NGF: variants seen among roughly 807,000 people sequenced by gnomAD.
NGF encodes the protein nerve growth factor.
Under a neutral mutation model 12.8 loss-of-function variants are expected in NGF, and 4 were observed. That is an observed-to-expected ratio of 0.31 (90% CI 0.15 to 0.72). The LOEUF (loss-of-function observed/expected upper bound fraction) is 0.72, where lower values mean the gene tolerates loss of function less well. Ranked by LOEUF, NGF falls within the 30% of genes least tolerant of loss-of-function variation. The pLI is 0.69. For missense variants in NGF, 283 were observed against 330.8 expected, an observed-to-expected ratio of 0.86 and a Z score of 1.12; for synonymous variants, 140 against 130.0, an observed-to-expected ratio of 1.08 and a Z score of -0.52.
At chr1:115,289,091 A>G (rs1653605364) in intron 2 of NGF, among the ~76,000 whole-genome samples, 1 of 152,226 alleles carries the variant, frequency 6.6e-6, no homozygotes, top group South Asian at 2.1e-4. Flanking sequence ...GCAATGGCAT[A>G]TCTGGGGTTT....
chr1:115,321,057 T>C (rs1654611224), intron 1 of NGF, among the ~76,000 whole-genome samples: 1 of 152,182 alleles, frequency 6.6e-6, no homozygotes, highest in South Asian at 2.1e-4. Context: ...AGACCTCAGA[T>C]GAATCATCCC....
Position 115,286,660 on chromosome 1 carries a change from T to C in NGF, c.136A>G (p.Thr46Ala), listed in dbSNP as rs1294782064. 1.2e-5 allele frequency: 19 copies of C among 1,614,194 alleles called. No homozygotes were observed. The highest frequency in any genetic ancestry group is 1.4e-5 in the Non-Finnish European group (17 of 1,180,038). The change falls in exon 3 of 3, where the codon ACT (threonine) becomes GCT (alanine). Residue 46 changes from threonine (T) to alanine (A), a missense_variant. Physicochemically the swap from Thr to Ala is moderately conservative, Grantham distance 58. Transcript: ENST00000369512. ...GCGCTGCGGGCTCTGCGAAGGGCAG[T>C]GTCAAGGGAATGCTGAAGTTTAGTC... Reference protein sequence around the residue: ...HWTKLQHSLDTALRRARSAPA... With the variant: ...HWTKLQHSLDAALRRARSAPA...
intron 1 of NGF, among the ~76,000 whole-genome samples, chr1:115,296,844 G>T (rs1653886241): frequency 6.6e-6 from 1 of 152,154 alleles, no homozygotes; most frequent in Non-Finnish European, 1.5e-5. Flanking sequence ...CTAATGCAAA[G>T]GCATTGGGAC....
chr1:115,286,928 G>T, intron 2 of NGF, 121 bp from the exon 3 acceptor site: 2 of 1,255,454 alleles, frequency 1.6e-6, no homozygotes, highest in Middle Eastern at 3.8e-4. Context: ...TTCAAACCGG[G>T]GCACTTCTGA....
intron 2 of NGF, among the ~76,000 whole-genome samples, chr1:115,291,730 T>C (rs1183656530): frequency 6.6e-6 from 1 of 152,188 alleles, no homozygotes; most frequent in Non-Finnish European, 1.5e-5. Flanking sequence ...ACGAGGTGAA[T>C]GATCTTCAAA....
intron 1 of NGF, among the ~76,000 whole-genome samples, chr1:115,301,666 C>T (rs557497720): frequency 7.9e-5 from 12 of 152,308 alleles, no homozygotes; most frequent in South Asian, 2.1e-4. Context: ...AATTGTAGAA[C>T]GCTCAGCCTG....
chr1:115,302,933 C>T lies in NGF; in HGVS notation c.-136-9183G>A, dbSNP rs1484522951. Among the ~76,000 whole-genome samples the T allele has an allele frequency of 2.0e-5, 3 of 152,186 alleles. No homozygotes were observed. In the East Asian group the frequency reaches 5.8e-4, roughly 29 times the overall value. On this transcript the variant is annotated intron_variant, in intron 1 of 2. Transcript: ENST00000369512. ...TTTGTCATCTCCCTGTATTGTGTCCCCTCATCTGTGTCCACCACTTTCAGC... is the reference window on the plus strand; with the variant it reads ...TTTGTCATCTCCCTGTATTGTGTCCTCTCATCTGTGTCCACCACTTTCAGC...
At chr1:115,311,523 A>G (rs1182412680) in intron 1 of NGF, among the ~76,000 whole-genome samples, 4 of 152,186 alleles carry the variant, frequency 2.6e-5, no homozygotes, top group Non-Finnish European at 5.9e-5. Flanking sequence ...GAGGGGTGCT[A>G]CTGGCATCCA....
chr1:115,290,598 G>A, intron 2 of NGF, among the ~76,000 whole-genome samples: 1 of 151,840 alleles, frequency 6.6e-6, no homozygotes, highest in East Asian at 1.9e-4. Context: ...GTTTCACCAT[G>A]TTGGCCAGGA....
intron 1 of NGF, among the ~76,000 whole-genome samples, chr1:115,302,508 G>A (rs1654068165): frequency 6.6e-6 from 1 of 152,050 alleles, no homozygotes; most frequent in African/African-American, 2.4e-5. Flanking sequence ...ATGAAAAGAT[G>A]AAAAAAAGAA....
chr1:115,286,599 T>C lies in NGF; in HGVS notation c.197A>G (p.Gln66Arg). 1 of 1,614,222 alleles carries C rather than the reference T, an allele frequency of 6.2e-7. No homozygotes were observed. The highest frequency in any genetic ancestry group is 1.1e-5 in the South Asian group (1 of 91,088). ...GGGGTCCACAGTAATGTTGCGGGTC[T>C]GCCCCGCCACGCGTGCAGCTATCGC... ...AAAIAARVAG[Q>R]TRNITVDPRL... Residue 66 changes from glutamine (Q) to arginine (R), a missense_variant, in exon 3 of 3, where the codon CAG becomes CGG. By Grantham distance (43) the Gln-to-Arg change is conservative. Transcript: ENST00000369512.
At chr1:115,337,256 G>GTTTT (rs1364127314) in intron 1 of NGF, among the ~76,000 whole-genome samples, 2 of 27,202 alleles carry the variant, frequency 7.4e-5, no homozygotes, top group African/African-American at 3.3e-4. Flanking sequence ...AATTTTTTTT[G>GTTTT]TTTTGTTTTT....
chr1:115,334,544 T>C (rs1655058927), intron 1 of NGF, among the ~76,000 whole-genome samples: 1 of 152,168 alleles, frequency 6.6e-6, no homozygotes, highest in South Asian at 2.1e-4. Flanking sequence ...GATGGTGGCC[T>C]AGAGTCTGAT....
intron 1 of NGF, among the ~76,000 whole-genome samples, chr1:115,305,566 A>G (rs1654179934): frequency 6.6e-6 from 1 of 152,208 alleles, no homozygotes; most frequent in African/African-American, 2.4e-5. Context: ...TTGCTTTTAA[A>G]AAATCAGCAC....
intron 1 of NGF, among the ~76,000 whole-genome samples, chr1:115,300,334 G>T (rs1653998662): frequency 6.6e-6 from 1 of 152,186 alleles, no homozygotes; most frequent in Admixed American, 6.5e-5. Flanking sequence ...CTTCAATTAA[G>T]GAGGGATAAG....
In NGF at chr1:115,286,660, T is replaced by A. The variant is rs1294782064; in HGVS notation, c.136A>T (p.Thr46Ser). 1 of 1,614,194 alleles carries A rather than the reference T, an allele frequency of 6.2e-7. No individual in the cohort carries two copies. The highest frequency in any genetic ancestry group is 1.1e-5 in the South Asian group (1 of 91,086). The change falls in exon 3 of 3, where the codon ACT becomes TCT. Residue 46 changes from threonine to serine, a missense_variant. Coordinates refer to ENST00000369512, the MANE Select transcript of NGF (RefSeq NM_002506.3). Reference protein sequence around the residue: ...HWTKLQHSLDTALRRARSAPA... With the variant: ...HWTKLQHSLDSALRRARSAPA... ...GCGCTGCGGGCTCTGCGAAGGGCAGTGTCAAGGGAATGCTGAAGTTTAGTC... is the reference window on the plus strand; with the variant it reads ...GCGCTGCGGGCTCTGCGAAGGGCAGAGTCAAGGGAATGCTGAAGTTTAGTC...
intron 1 of NGF, among the ~76,000 whole-genome samples, chr1:115,305,277 C>T (rs1205605968): frequency 1.3e-5 from 2 of 152,032 alleles, no homozygotes; most frequent in East Asian, 3.9e-4. Context: ...GGTTAGTATC[C>T]TCTTCATTTG....
At chr1:115,289,005 C>A (rs898114218) in intron 2 of NGF, among the ~76,000 whole-genome samples, 2 of 152,220 alleles carry the variant, frequency 1.3e-5, no homozygotes, top group African/African-American at 4.8e-5. Flanking sequence ...AAGGAAATCA[C>A]CAAATTCTTT....
chr1:115,310,334 A>G (rs1654306617), intron 1 of NGF, among the ~76,000 whole-genome samples: 1 of 152,350 alleles, frequency 6.6e-6, no homozygotes, highest in South Asian at 2.1e-4. Flanking sequence ...TGCCTTTATA[A>G]TGAACATAAG....
Sources: allele counts gnomAD v4.1 joint callset (sites outside exome capture counted in the v4.1 genomes callset), GRCh38; gene constraint gnomAD v4.1.1; transcripts MANE v1.5; gene names NCBI Gene and HGNC (gene_info 2026-07-23, HGNC 2026-07-21).